CHLSN: variants seen among roughly 807,000 people sequenced by gnomAD.
CHLSN encodes cholesin.
At chr7:1,009,084 G>A in the CHLSN span, among the ~76,000 whole-genome samples, 9 of 148,342 alleles carry the variant, frequency 6.1e-5, no homozygotes, top group Non-Finnish European at 1.1e-4. Flanking sequence ...GCACATCCAC[G>A]CAGGCCCCGC....
the CHLSN span, among the ~76,000 whole-genome samples, chr7:1,101,487 G>A: frequency 2.0e-5 from 3 of 152,230 alleles, no homozygotes; most frequent in Non-Finnish European, 4.4e-5. Context: ...ACATGACACA[G>A]TGAGCGGCTC....
At chr7:1,115,701 T>A in the CHLSN span, among the ~76,000 whole-genome samples, 64 of 70,254 alleles carry the variant, frequency 9.1e-4, no homozygotes, top group South Asian at 1.5e-3. Context: ...GCAGGATGAC[T>A]TCACTACAGC....
At chr7:1,050,401 A>C in the CHLSN span, among the ~76,000 whole-genome samples, 1 of 152,256 alleles carries the variant, frequency 6.6e-6, no homozygotes, top group Non-Finnish European at 1.5e-5. Flanking sequence ...GCCAACAGGG[A>C]CAGCTGCCCA....
the CHLSN span, among the ~76,000 whole-genome samples, chr7:1,073,991 C>T: frequency 6.1e-5 from 1 of 16,430 alleles, no homozygotes; most frequent in South Asian, 1.7e-3. Flanking sequence ...GCTGCCGTCA[C>T]ACACCCCGAC....
At chr7:978,387 G>A in the CHLSN span, among the ~76,000 whole-genome samples, 4 of 152,024 alleles carry the variant, frequency 2.6e-5, no homozygotes, top group East Asian at 1.9e-4. Flanking sequence ...GTGTAGGGGC[G>A]CACACCTGTG....
At chr7:1,110,138 G>A in the CHLSN span, among the ~76,000 whole-genome samples, 132 of 152,078 alleles carry the variant, frequency 8.7e-4, 1 homozygote, top group African/African-American at 3.1e-3. Flanking sequence ...GCCGGCCGAG[G>A]CAGGGCTCAG....
chr7:1,044,622 C>CCGG, the CHLSN span: 1 of 151,492 alleles, frequency 6.6e-6, no homozygotes, highest in Admixed American at 6.6e-5. Flanking sequence ...AGCTGCCCGC[C>CCGG]CGGCGGCGAC....
chr7:985,635 A>G, the CHLSN span, among the ~76,000 whole-genome samples: 1 of 152,078 alleles, frequency 6.6e-6, no homozygotes, highest in Non-Finnish European at 1.5e-5. Flanking sequence ...GGGGGGCTCC[A>G]TGTCTGCCCC....
At chr7:981,062 A>G in the CHLSN span, among the ~76,000 whole-genome samples, 1 of 151,462 alleles carries the variant, frequency 6.6e-6, no homozygotes, top group Non-Finnish European at 1.5e-5. Flanking sequence ...TTGGGAGGCC[A>G]AGGCAGGTGG....
At chr7:1,093,506 G>A in the CHLSN span, 4 of 470,650 alleles carry the variant, frequency 8.5e-6, no homozygotes, top group South Asian at 3.1e-5. Flanking sequence ...CGCTCGGCCC[G>A]GAGCAGCAGG....
the CHLSN span, among the ~76,000 whole-genome samples, chr7:1,080,602 G>A: frequency 6.6e-6 from 1 of 152,372 alleles, no homozygotes; most frequent in African/African-American, 2.4e-5. Flanking sequence ...TGCGAGCACC[G>A]TGCTTCCACG....
At chr7:1,021,715 T>C in the CHLSN span, 1 of 199,408 alleles carries the variant, frequency 5.0e-6, no homozygotes, top group East Asian at 1.9e-4. Flanking sequence ...AACCCCTCCC[T>C]ACTTGTCACC....
chr7:1,127,169 C>A, the CHLSN span: 3 of 1,465,816 alleles, frequency 2.0e-6, no homozygotes, highest in Non-Finnish European at 1.8e-6. Flanking sequence ...TCCACAGAGA[C>A]CAGCAGGCTG....
the CHLSN span, among the ~76,000 whole-genome samples, chr7:1,030,549 G>C: frequency 6.6e-6 from 1 of 152,192 alleles, no homozygotes; most frequent in Admixed American, 6.5e-5. Context: ...CTTCACAGAG[G>C]GGGAACCAAG....
At chr7:1,108,804 C>G in the CHLSN span, among the ~76,000 whole-genome samples, 1 of 151,696 alleles carries the variant, frequency 6.6e-6, no homozygotes, top group East Asian at 1.9e-4. Flanking sequence ...GTGTGCACCC[C>G]CCTCACTGGA....
At chr7:988,813 C>T in the CHLSN span, 5 of 1,571,706 alleles carry the variant, frequency 3.2e-6, no homozygotes, top group East Asian at 1.1e-4. Context: ...GTGCGGTGCC[C>T]AGGCCCTAGG....
At chr7:1,019,508 G>T in the CHLSN span, among the ~76,000 whole-genome samples, 1 of 152,234 alleles carries the variant, frequency 6.6e-6, no homozygotes, top group Non-Finnish European at 1.5e-5. Context: ...GAAATGCGGA[G>T]CGGGGTCCTC....
chr7:1,065,656 G>A, the CHLSN span, among the ~76,000 whole-genome samples: 2 of 152,218 alleles, frequency 1.3e-5, no homozygotes, highest in East Asian at 3.9e-4. Context: ...GGGTCTGGGA[G>A]GGCGTGGGCC....
the CHLSN span, among the ~76,000 whole-genome samples, chr7:1,112,213 T>G: frequency 6.6e-6 from 1 of 152,192 alleles, no homozygotes; most frequent in Admixed American, 6.5e-5. Flanking sequence ...TCCTGTTTTC[T>G]TTGGCCCAGA....
Sources: gnomAD v4.1 joint callset for allele counts (sites outside exome capture counted in the v4.1 genomes callset) on GRCh38, gnomAD v4.1.1 for gene constraint, MANE v1.5 for transcripts, NCBI Gene and HGNC (gene_info 2026-07-23, HGNC 2026-07-21) for gene names.